The following EDA variants were observed in gnomAD, a reference collection of about 807,000 sequenced individuals.
EDA encodes ectodysplasin-A.
EDA carries 2 observed loss-of-function variants against 23.6 expected under a neutral mutation model. That is an observed-to-expected ratio of 0.08 (90% CI 0.03 to 0.27). The LOEUF (loss-of-function observed/expected upper bound fraction) is 0.27. Among genes scored for constraint, EDA ranks in the 10% least tolerant of loss-of-function variants. The pLI is 1.00. For missense variants in EDA, 229 were observed against 324.2 expected (o/e 0.71, Z 2.26); for synonymous variants, 131 against 132.0 (o/e 0.99, Z 0.05).
At chrX:69,707,115 G>A (rs933492639) in intron 1 of EDA, among the ~76,000 whole-genome samples, 3 of 112,271 alleles carry the variant, frequency 2.7e-5, no homozygotes, top group Non-Finnish European at 5.6e-5. Context: ...GACAGAGTTG[G>A]CAGAACATAT....
At chrX:69,900,292 T>TCTGTG (rs1310251984) in intron 1 of EDA, among the ~76,000 whole-genome samples, 4 of 109,049 alleles carry the variant, frequency 3.7e-5, no homozygotes, top group African/African-American at 1.3e-4. Context: ...ACTTTGACTT[T>TCTGTG]CTGTGCCTCA....
At chrX:69,682,854 G>C (rs1199042881) in intron 1 of EDA, among the ~76,000 whole-genome samples, 1 of 111,514 alleles carries the variant, frequency 9.0e-6, no homozygotes, top group African/African-American at 3.3e-5. Context: ...CCCCCCTGCT[G>C]TTCTCTTATA....
intron 1 of EDA, among the ~76,000 whole-genome samples, chrX:69,708,530 T>C (rs1285759838): frequency 9.0e-6 from 1 of 111,319 alleles, no homozygotes; most frequent in Admixed American, 9.6e-5. Flanking sequence ...TGATTAGAGG[T>C]AGATTTACTA....
At chrX:69,762,049 A>C (rs937433491) in intron 1 of EDA, among the ~76,000 whole-genome samples, 1 of 111,604 alleles carries the variant, frequency 9.0e-6, no homozygotes, top group Admixed American at 9.6e-5. Flanking sequence ...GCCAATTTTG[A>C]GTAGTTGAAA....
At chrX:69,840,099 A>G (rs6525341) in intron 1 of EDA, among the ~76,000 whole-genome samples, 28,778 of 110,282 alleles carry the variant, frequency 0.26, 2,834 homozygotes, top group African/African-American at 0.32. Flanking sequence ...TGTGAATTCA[A>G]CTGCACTCCA....
chrX:69,832,720 A>G (rs886860063), intron 1 of EDA, among the ~76,000 whole-genome samples: 1 of 111,268 alleles, frequency 9.0e-6, no homozygotes, highest in African/African-American at 3.3e-5. Context: ...TTCCTTGAGC[A>G]GTGGTTTGTA....
At chrX:70,024,575 C>T (rs143993080) in intron 3 of EDA, among the ~76,000 whole-genome samples, 144 of 112,681 alleles carry the variant, frequency 1.3e-3, no homozygotes, top group African/African-American at 4.4e-3. Context: ...ACCTTGTGTA[C>T]GGGACATTAT....
intron 1 of EDA, among the ~76,000 whole-genome samples, chrX:69,806,840 G>C (rs1254682983): frequency 2.7e-5 from 3 of 110,154 alleles, no homozygotes; most frequent in Non-Finnish European, 5.7e-5. Flanking sequence ...AACAAATGAA[G>C]AGTCAAGTAT....
At chrX:69,951,503 A>G (rs1028264076) in intron 1 of EDA, among the ~76,000 whole-genome samples, 4 of 112,028 alleles carry the variant, frequency 3.6e-5, no homozygotes, top group African/African-American at 1.3e-4. Flanking sequence ...ATTATGTGCC[A>G]GGCCCAGGGC....
chrX:69,617,739 A>C (rs769501926), intron 1 of EDA: 1 of 357,784 alleles, frequency 2.8e-6, no homozygotes, highest in Non-Finnish European at 5.4e-6. Flanking sequence ...TAGGGAAGAG[A>C]GCAAGTTGTA....
chrX:69,682,849 C>T (rs1023791570), intron 1 of EDA, among the ~76,000 whole-genome samples: 1 of 111,680 alleles, frequency 9.0e-6, no homozygotes, highest in African/African-American at 3.3e-5. Flanking sequence ...CTCCTCCCCC[C>T]TGCTGTTCTC....
intron 2 of EDA, among the ~76,000 whole-genome samples, chrX:70,007,266 G>T (rs768841336): frequency 8.9e-6 from 1 of 111,847 alleles, no homozygotes; most frequent in South Asian, 3.8e-4. Context: ...ATACCCACAA[G>T]GCAACTTGCT....
chrX:69,991,189 G>T (rs764142381), intron 2 of EDA, among the ~76,000 whole-genome samples: 2 of 110,838 alleles, frequency 1.8e-5, no homozygotes, highest in East Asian at 2.8e-4. Context: ...TTGATTTTTT[G>T]ATTCACATTA....
At chrX:69,901,069 C>T (rs970484275) in intron 1 of EDA, among the ~76,000 whole-genome samples, 11 of 111,407 alleles carry the variant, frequency 9.9e-5, no homozygotes, top group Non-Finnish European at 1.5e-4. Flanking sequence ...TTAGAAATAA[C>T]TTTTCTAGGC....
At chrX:69,630,503 T>A (rs950400080) in intron 1 of EDA, among the ~76,000 whole-genome samples, 1 of 112,051 alleles carries the variant, frequency 8.9e-6, no homozygotes, top group Non-Finnish European at 1.9e-5. Context: ...GAATAAGTTC[T>A]GGCTCTTAAC....
At chrX:69,676,163 G>A (rs998870788) in intron 1 of EDA, among the ~76,000 whole-genome samples, 16 of 111,443 alleles carry the variant, frequency 1.4e-4, no homozygotes, top group African/African-American at 4.9e-4. Flanking sequence ...TTGGCTTTGT[G>A]TTATGAGTGA....
At chrX:69,838,953 G>T (rs1238101024) in intron 1 of EDA, among the ~76,000 whole-genome samples, 2 of 111,904 alleles carry the variant, frequency 1.8e-5, no homozygotes, top group Non-Finnish European at 3.8e-5. Flanking sequence ...TCCACACAAA[G>T]AAATAAATGC....
intron 1 of EDA, among the ~76,000 whole-genome samples, chrX:69,743,700 G>A (rs1335731058): frequency 8.9e-6 from 1 of 111,956 alleles, no homozygotes; most frequent in African/African-American, 3.2e-5. Flanking sequence ...ACCAAAGATA[G>A]TGTTAACTGC....
chrX:69,781,460 A>T (rs1319824671), intron 1 of EDA, among the ~76,000 whole-genome samples: 2 of 111,878 alleles, frequency 1.8e-5, no homozygotes, highest in Admixed American at 9.6e-5. Flanking sequence ...TCATTTACGT[A>T]TTATCTATGG....
Sources: allele counts gnomAD v4.1 joint callset (sites outside exome capture counted in the v4.1 genomes callset), GRCh38; gene constraint gnomAD v4.1.1; transcripts MANE v1.5; gene names NCBI Gene and HGNC (gene_info 2026-07-23, HGNC 2026-07-21).